DSPP: variants seen among roughly 807,000 people sequenced by gnomAD.
DSPP encodes deafness, autosomal dominant 39.
In DSPP, 28 loss-of-function variants were observed where a neutral mutation model predicts 29.1. That is an observed-to-expected ratio of 0.96 (90% CI 0.71 to 1.32). The LOEUF (loss-of-function observed/expected upper bound fraction) is 1.32, where lower values mean the gene tolerates loss of function less well. DSPP is among the 40% of genes most tolerant of loss of function. The probability of loss-of-function intolerance (pLI) is 0.00; values close to 1 mark genes in which losing one functional copy is unlikely to be tolerated. For missense variants in DSPP, 1,281 were observed against 1,629.9 expected (o/e 0.79, Z 3.69); for synonymous variants, 481 against 503.4 (o/e 0.96, Z 0.60).
Position 87,615,770 on chromosome 4 carries a change from C to A in DSPP, c.3108C>A (p.Ser1036Arg), listed in dbSNP as rs1330504064. 6.6e-7 allele frequency: 1 copy of A among 1,513,812 alleles called. No homozygotes were observed. The highest frequency in any genetic ancestry group is 1.4e-5 in the African/African-American group (1 of 71,410). The allele number at this position is 1,513,812 out of a possible 1,614,324, so 93.8% of individuals were successfully genotyped here. The part of the protein sequence containing the change: ...DSSNSSDSSD[S>R]SDSSDSSDSS... ...GCAACAGCAGTGACAGCAGCGATAG[C>A]AGTGACAGCAGCGATAGCAGTGACA... is the stretch of plus-strand genomic sequence containing the variant. The change falls in exon 5 of 5, where the codon AGC (serine) becomes AGA (arginine). Residue 1036 changes from serine (S) to arginine (R), a missense_variant. Around this residue, in one of 4 missense-constraint regions of DSPP, gnomAD observed 72 missense variants for 190.3 expected, o/e 0.38. Coordinates refer to ENST00000651931, the MANE Select transcript of DSPP (RefSeq NM_014208.3).
rs778758945 is a variant in DSPP at position 87,614,187 on chromosome 4, G to T, written c.1525G>T (p.Gly509Ter). ...TAATGGCAATGGCAGTGACTCAAAA[G>T]GAGCAGAAGATGATGACAGTGATAG... ...KDNGNGSDSK[G>*]AEDDDSDSTS... Residue 509 changes from glycine to a stop codon, truncating the protein, a stop_gained, in exon 5 of 5, where the codon GGA becomes TGA. Coordinates refer to ENST00000651931, the MANE Select transcript of DSPP (RefSeq NM_014208.3). LOFTEE classifies it low-confidence loss of function (END_TRUNC). The T allele has an allele frequency of 1.1e-5, 18 of 1,614,096 alleles. No individual in the cohort carries two copies. In the South Asian group the frequency reaches 2.0e-4, roughly 18 times the overall value.
At position 87,615,112 on chromosome 4, in the gene DSPP, A is replaced by G. The variant is rs756135428; in HGVS notation, c.2450A>G (p.Asp817Gly). 9.7e-6 allele frequency: 15 copies of G among 1,548,516 alleles called. 1 individual carries two copies. The South Asian group carries it at 1.8e-4, about 18-fold the overall frequency. The change falls in exon 5 of 5, where the codon GAT (aspartate) becomes GGT (glycine). Residue 817 changes from aspartate (D) to glycine (G), a missense_variant. Asp to Gly is a moderately conservative substitution (Grantham distance 94, BLOSUM62 -1). This residue lies in a region of DSPP where 444 missense variants were observed against 611.4 expected (regional missense o/e 0.73). Coordinates refer to ENST00000651931, the MANE Select transcript of DSPP (RefSeq NM_014208.3). The stretch of plus-strand genomic sequence containing the variant: ...AGCAGTGATAGCAGTGACAGCAGTG[A>G]TAGCGACAGCAGCAATAGCAGTGAC... ...SDSSDSSDSS[D>G]SDSSNSSDSS...
intron 2 of DSPP, among the ~76,000 whole-genome samples, chr4:87,611,741 A>C (rs1212697916): frequency 6.6e-6 from 1 of 152,148 alleles, no homozygotes; most frequent in Non-Finnish European, 1.5e-5. Context: ...TTACACTTAG[A>C]GCGGGTTTGT....
Position 87,615,131 on chromosome 4 carries a change from CAGTGACAGCAGTAATAGT to C in DSPP, c.2481_2498del (p.Asn828_Ser833del), listed in dbSNP as rs1343852938. On this transcript the variant is annotated inframe_deletion, in exon 5 of 5. Coordinates refer to ENST00000651931, the MANE Select transcript of DSPP (RefSeq NM_014208.3). The stretch of plus-strand genomic sequence containing the variant: ...GCAGTGATAGCGACAGCAGCAATAG[CAGTGACAGCAGTAATAGT>C]AGTGACAGCAGCGATAGCAGCAACA... 2 of 1,542,066 alleles carry C rather than the reference CAGTGACAGCAGTAATAGT, an allele frequency of 1.3e-6. No homozygotes were observed. The highest frequency in any genetic ancestry group is 1.2e-5 in the South Asian group (1 of 83,656).
intron 1 of DSPP, 63 bp from the exon 2 acceptor site, chr4:87,610,818 A>T (rs1318559354): frequency 1.3e-5 from 14 of 1,116,226 alleles, no homozygotes; most frequent in East Asian, 2.4e-5. Flanking sequence ...CATCAAAATA[A>T]TATAGTACTA....
At chr4:87,611,098 T>C (rs1218474344) in intron 2 of DSPP, 139 bp downstream of exon 2, 1 of 862,090 alleles carries the variant, frequency 1.2e-6, no homozygotes, top group East Asian at 2.6e-5. Flanking sequence ...TGTGTGTATA[T>C]ATGTTTCCTT....
chr4:87,616,666 C>A lies in DSPP; in HGVS notation c.*98C>A. On this transcript the variant is annotated 3_prime_UTR_variant, in exon 5 of 5. Coordinates refer to ENST00000651931, the MANE Select transcript of DSPP (RefSeq NM_014208.3). ...AAAGTAAAGAAAGGGGAGAAATAAA[C>A]ATAAGACGTATGTAAACAAAAACAA... 2 of 1,531,552 alleles carry A rather than the reference C, an allele frequency of 1.3e-6. No individual in the cohort carries two copies. Among genetic ancestry groups the A allele is most frequent in the Non-Finnish European group, 1.8e-6 (2 of 1,131,306 alleles). The allele number at this position is 1,531,552 out of a possible 1,614,324, so 94.9% of individuals were successfully genotyped here. A position where few individuals can be genotyped will look rare whatever the true frequency, so the allele number is the denominator to read the frequency against.
intron 1 of DSPP, 147 bp downstream of exon 1, chr4:87,608,767 T>C (rs1727681454): frequency 6.6e-6 from 1 of 152,184 alleles, no homozygotes; most frequent in South Asian, 2.1e-4. Context: ...GTCATATTGA[T>C]AGTATGTATA....
Position 87,609,321 on chromosome 4 carries a change from G to A in DSPP, c.-29+701G>A, listed in dbSNP as rs553020240. Among the ~76,000 whole-genome samples the A allele has an allele frequency of 3.9e-5, 6 of 152,306 alleles. No individual in the cohort carries two copies. In the South Asian group the frequency reaches 1.2e-3, roughly 32 times the overall value. ...CAGAAACTGGACACGCATCACTCTGGCCTTGGCTGCAGGTACCTTTCCAGT... is the reference window on the plus strand; with the variant it reads ...CAGAAACTGGACACGCATCACTCTGACCTTGGCTGCAGGTACCTTTCCAGT... On this transcript the variant is annotated intron_variant, in intron 1 of 4. Coordinates refer to ENST00000651931, the MANE Select transcript of DSPP (RefSeq NM_014208.3).
chr4:87,613,387 A>G, intron 4 of DSPP, 79 bp downstream of exon 4: 1 of 1,515,766 alleles, frequency 6.6e-7, no homozygotes, highest in South Asian at 1.2e-5. Context: ...ACAAAAATAA[A>G]CCATGACAAG....
intron 1 of DSPP, among the ~76,000 whole-genome samples, chr4:87,609,858 A>C (rs979753400): frequency 6.6e-6 from 1 of 152,236 alleles, no homozygotes; most frequent in Admixed American, 6.5e-5. Flanking sequence ...CACAGATTAT[A>C]AAATGTCTAT....
rs1727790421 is a variant in DSPP, at chr4:87,613,846, G to A, written c.1184G>A (p.Gly395Asp). The change falls in exon 5 of 5, where the codon GGC becomes GAC. Residue 395 changes from glycine to aspartate, a missense_variant. By Grantham distance (94) the Gly-to-Asp change is moderately conservative. Around this residue, in one of 4 missense-constraint regions of DSPP, gnomAD observed 631 missense variants for 643.2 expected, o/e 0.98. Coordinates refer to ENST00000651931, the MANE Select transcript of DSPP (RefSeq NM_014208.3). ...NRNITKEVGKGNEGKEDKGQH... is the reference protein window; with the variant it reads ...NRNITKEVGKDNEGKEDKGQH... The stretch of plus-strand genomic sequence containing the variant: ...AATATTACCAAAGAAGTTGGGAAAG[G>A]CAACGAAGGTAAAGAGGATAAAGGA... The A allele has an allele frequency of 1.9e-6, 3 of 1,614,146 alleles. No individual in the cohort carries two copies. The highest frequency in any genetic ancestry group is 4.5e-5 in the East Asian group (2 of 44,870).
chr4:87,615,175 G>A lies in DSPP; in HGVS notation c.2513G>A (p.Ser838Asn). The change falls in exon 5 of 5, where the codon AGC becomes AAC. Residue 838 changes from serine to asparagine, a missense_variant. By Grantham distance (46) the Ser-to-Asn change is conservative. Transcript: ENST00000651931. ...AGTGACAGCAGCGATAGCAGCAACA[G>A]CAGTGATAGCAGCGACAGCAGCGAT... Reference protein sequence around the residue: ...NSSDSSDSSNSSDSSDSSDSS... With the variant: ...NSSDSSDSSNNSDSSDSSDSS... 6.6e-7 allele frequency: 1 copy of A among 1,511,350 alleles called. No homozygotes were observed. 93.6% of individuals were successfully genotyped at this position (1,511,350 alleles called of 1,614,324 possible). A position where few individuals can be genotyped will look rare whatever the true frequency, so the allele number is the denominator to read the frequency against.
In DSPP at chr4:87,614,808, AGT is replaced by A; in HGVS notation, c.2148_2149del (p.Ser716ArgfsTer4). 6.4e-7 allele frequency: 1 copy of A among 1,551,598 alleles called. No individual in the cohort carries two copies. The highest frequency in any genetic ancestry group is 1.2e-5 in the South Asian group (1 of 84,058). The part of the protein sequence containing the change: ...DSSDSDSSDS[S>X]DSSNSNSSDS... ...CAGTGATAGTGACAGCAGTGATAGT[AGT>A]GACAGCAGTAATAGTAACAGCAGCG... On this transcript the variant is annotated frameshift_variant, in exon 5 of 5. Coordinates refer to ENST00000651931, the MANE Select transcript of DSPP (RefSeq NM_014208.3). LOFTEE classifies it low-confidence loss of function (END_TRUNC).
In DSPP at chr4:87,612,672, C is replaced by A. The variant is rs1044358322; in HGVS notation, c.486C>A (p.Thr162=). The A allele has an allele frequency of 6.2e-7, 1 of 1,613,990 alleles. No individual in the cohort carries two copies. ...SNTNGNTDKN[T]QNGDVGDAGH... ...CTAATGGAAATACTGATAAGAATAC[C>A]CAAAATGGGGATGTTGGCGATGCAG... The change falls in exon 4 of 5, where the codon ACC becomes ACA. Residue 162 remains threonine (T), a synonymous_variant. Coordinates refer to ENST00000651931, the MANE Select transcript of DSPP (RefSeq NM_014208.3).
intron 1 of DSPP, among the ~76,000 whole-genome samples, 161 bp downstream of exon 1, chr4:87,608,781 G>C (rs980657445): frequency 2.6e-5 from 4 of 152,130 alleles, no homozygotes; most frequent in Admixed American, 1.3e-4. Context: ...ATGTATAAAA[G>C]ATAACGGACA....
At position 87,614,237 on chromosome 4, in the gene DSPP, C is replaced by G; in HGVS notation, c.1575C>G (p.Asp525Glu). 6.2e-7 allele frequency: 1 copy of G among 1,614,182 alleles called. No homozygotes were observed. The highest frequency in any genetic ancestry group is 8.5e-7 in the Non-Finnish European group (1 of 1,180,038). ...GCACATCAGACACTAATAATAGTGA[C>G]AGTAATGGCAATGGTAACAATGGGA... ...SDSTSDTNNS[D>E]SNGNGNNGND... The change falls in exon 5 of 5, where the codon GAC becomes GAG. Residue 525 changes from aspartate (D) to glutamate (E), a missense_variant. Around this residue, in one of 4 missense-constraint regions of DSPP, gnomAD observed 631 missense variants for 643.2 expected, o/e 0.98. Coordinates refer to ENST00000651931, the MANE Select transcript of DSPP (RefSeq NM_014208.3).
Position 87,612,877 on chromosome 4 carries a change from C to T in DSPP, c.691C>T (p.Pro231Ser). ...TGGGACTAAGGAAGCTGAGGTAACA[C>T]CAGGCACTGGAGAAGATGCTGGCCT... ...RNGTKEAEVT[P>S]GTGEDAGLDN... is the part of the protein sequence containing the mutation. The change falls in exon 4 of 5, where the codon CCA (proline) becomes TCA (serine). Residue 231 changes from proline to serine, a missense_variant. By Grantham distance (74) the Pro-to-Ser change is moderately conservative (BLOSUM62 -1). This residue lies in a region of DSPP where 631 missense variants were observed against 643.2 expected (regional missense o/e 0.98). Transcript: ENST00000651931. The T allele has an allele frequency of 6.2e-7, 1 of 1,614,108 alleles. No individual in the cohort carries two copies. Among genetic ancestry groups the T allele is most frequent in the East Asian group, 2.2e-5 (1 of 44,888 alleles).
chr4:87,612,721 G>T lies in DSPP; in HGVS notation c.535G>T (p.Val179Phe). 1.2e-6 allele frequency: 2 copies of T among 1,614,182 alleles called. No individual in the cohort carries two copies. Among genetic ancestry groups the T allele is most frequent in the African/African-American group, 2.7e-5 (2 of 75,044 alleles). Residue 179 changes from valine (V) to phenylalanine (F), a missense_variant, in exon 4 of 5, where the codon GTC (valine) becomes TTC (phenylalanine). Coordinates refer to ENST00000651931, the MANE Select transcript of DSPP (RefSeq NM_014208.3). The part of the protein sequence containing the change: ...DAGHNEDVAV[V>F]QEDGPQVAGS... Reference sequence around the variant, plus strand: ...AGGTCACAATGAGGATGTCGCTGTTGTCCAAGAAGATGGACCTCAAGTAGC... The same window carrying T: ...AGGTCACAATGAGGATGTCGCTGTTTTCCAAGAAGATGGACCTCAAGTAGC...
Sources: gnomAD v4.1 joint callset for allele counts (sites outside exome capture counted in the v4.1 genomes callset) on GRCh38, gnomAD v4.1.1 for gene constraint, gnomAD v4.1.1 regional missense constraint, MANE v1.5 for transcripts, NCBI Gene and HGNC (gene_info 2026-07-23, HGNC 2026-07-21) for gene names.